Variants in C21orf58 observed in about 807,000 individuals in gnomAD.
The protein encoded by C21orf58 is chromosome 21 open reading frame 58.
In C21orf58, 34 loss-of-function variants were observed where a neutral mutation model predicts 35.8. That is an observed-to-expected ratio of 0.95 (90% CI 0.72 to 1.26). The LOEUF (loss-of-function observed/expected upper bound fraction) is 1.26, where lower values mean the gene tolerates loss of function less well. C21orf58 is among the 50% of genes most tolerant of loss of function. The pLI is 0.00. For missense variants in C21orf58, 440 were observed against 414.3 expected (o/e 1.06, Z -0.54); for synonymous variants, 191 against 175.8 (o/e 1.09, Z -0.68).
intron 6 of C21orf58, among the ~76,000 whole-genome samples, chr21:46,303,375 A>G (rs2082213618): frequency 6.6e-6 from 1 of 151,898 alleles, no homozygotes; most frequent in Non-Finnish European, 1.5e-5. Context: ...GTTCATCTAC[A>G]GACACCATGA....
rs72562362 is a variant in C21orf58, at chr21:46,301,476, G to GT, written c.*522_*523insA. On this transcript the variant is annotated 3_prime_UTR_variant, in exon 8 of 8. Coordinates refer to ENST00000291691, the MANE Select transcript of C21orf58 (RefSeq NM_058180.5). ...TAGTGGGAGTCTGTGCCACAGCTGT[G>GT]GACACAGGTGTCCCTAGTTATTAAA... 6 of 832,404 alleles carry GT rather than the reference G, an allele frequency of 7.2e-6. No homozygotes were observed. In the South Asian group the frequency reaches 3.7e-4, roughly 51 times the overall value. 51.6% of individuals were successfully genotyped at this position (832,404 alleles called of 1,614,324 possible).
At chr21:46,303,295 T>C (rs1369016610) in intron 6 of C21orf58, among the ~76,000 whole-genome samples, 1 of 152,076 alleles carries the variant, frequency 6.6e-6, no homozygotes, top group Non-Finnish European at 1.5e-5. Context: ...GCCATGATCA[T>C]GCCCCTGCAC....
In C21orf58 at chr21:46,318,901, T is replaced by C. The variant is rs142587886; in HGVS notation, c.101-681A>G. 7 of 974,310 alleles carry C rather than the reference T, an allele frequency of 7.2e-6. No homozygotes were observed. In the East Asian group the frequency reaches 3.4e-4, roughly 48 times the overall value. 60.4% of individuals were successfully genotyped at this position (974,310 alleles called of 1,614,324 possible). A position where few individuals can be genotyped will look rare whatever the true frequency, so the allele number is the denominator to read the frequency against. On this transcript the variant is annotated intron_variant, in intron 1 of 7. Coordinates refer to ENST00000291691, the MANE Select transcript of C21orf58 (RefSeq NM_058180.5). ...GGCATTAAACTCCACGTTGATGAGTTAGTCAATCCCACTAGCAGGCAGACT... is the reference window on the plus strand; with the variant it reads ...GGCATTAAACTCCACGTTGATGAGTCAGTCAATCCCACTAGCAGGCAGACT...
intron 6 of C21orf58, among the ~76,000 whole-genome samples, chr21:46,308,462 A>G (rs1026956806): frequency 6.6e-5 from 10 of 151,924 alleles, no homozygotes; most frequent in Non-Finnish European, 1.3e-4. Flanking sequence ...CTCCATCTCA[A>G]AAAAAAAGAG....
intron 6 of C21orf58, among the ~76,000 whole-genome samples, chr21:46,307,933 C>T (rs927296235): frequency 1.3e-5 from 2 of 152,178 alleles, no homozygotes. Flanking sequence ...ATAACTAGAA[C>T]TCACAAACAT....
chr21:46,318,744 T>TGG, intron 1 of C21orf58: 1 of 997,324 alleles, frequency 1.0e-6, no homozygotes, highest in Non-Finnish European at 1.2e-6. Flanking sequence ...GGGGCTGGGC[T>TGG]TTAGCAGGAC....
chr21:46,315,676 C>T (rs911454257), intron 3 of C21orf58, 129 bp from the exon 4 acceptor site: 1 of 681,502 alleles, frequency 1.5e-6, no homozygotes, highest in African/African-American at 1.8e-5. Flanking sequence ...TGGGGGAGGC[C>T]TGGGAGGATC....
intron 6 of C21orf58, among the ~76,000 whole-genome samples, chr21:46,304,590 C>T (rs950877765): frequency 6.6e-6 from 1 of 152,102 alleles, no homozygotes; most frequent in African/African-American, 2.4e-5. Flanking sequence ...ATGCCCACCA[C>T]GCTGGCAAAA....
intron 3 of C21orf58, among the ~76,000 whole-genome samples, chr21:46,316,973 A>G (rs1397465733): frequency 6.6e-6 from 1 of 152,244 alleles, no homozygotes; most frequent in Non-Finnish European, 1.5e-5. Flanking sequence ...CTCATCTGCA[A>G]AATGGGAACA....
chr21:46,310,304 CCT>C (rs1478582286), intron 6 of C21orf58, among the ~76,000 whole-genome samples: 2 of 151,748 alleles, frequency 1.3e-5, no homozygotes, highest in South Asian at 2.1e-4. Flanking sequence ...TAGTGAAACC[CCT>C]GTCTCTACCA....
downstream of C21orf58, chr21:46,300,897 A>C: frequency 1.0e-6 from 1 of 961,328 alleles, no homozygotes; most frequent in East Asian, 6.2e-5. Flanking sequence ...AAAGTAACAA[A>C]AAGTAAAGAA....
At position 46,311,444 on chromosome 21, in the gene C21orf58, T is replaced by C. The variant is rs2082680451; in HGVS notation, c.721+12A>G. The C allele has an allele frequency of 6.7e-7, 1 of 1,490,406 alleles. No homozygotes were observed. The highest frequency in any genetic ancestry group is 1.4e-5 in the African/African-American group (1 of 72,868). 92.3% of individuals were successfully genotyped at this position (1,490,406 alleles called of 1,614,324 possible). On this transcript the variant is annotated intron_variant, in intron 6 of 7. Coordinates refer to ENST00000291691, the MANE Select transcript of C21orf58 (RefSeq NM_058180.5). ...TCCTCAACCCACAACAATATGAATATGGAACACTTACCTTCCTTAATACTT... is the reference window on the plus strand; with the variant it reads ...TCCTCAACCCACAACAATATGAATACGGAACACTTACCTTCCTTAATACTT...
At chr21:46,319,779 C>T (rs1037557009) in intron 1 of C21orf58, among the ~76,000 whole-genome samples, 10 of 151,990 alleles carry the variant, frequency 6.6e-5, no homozygotes, top group African/African-American at 1.2e-4. Context: ...CGCCTGTAAT[C>T]CCAGCTACTC....
At chr21:46,305,079 G>C (rs1403765074) in intron 6 of C21orf58, among the ~76,000 whole-genome samples, 3 of 152,178 alleles carry the variant, frequency 2.0e-5, no homozygotes, top group Non-Finnish European at 4.4e-5. Flanking sequence ...CACAAAGACA[G>C]ATACTGTACG....
At chr21:46,302,765 C>A (rs2082174349) in intron 6 of C21orf58, among the ~76,000 whole-genome samples, 189 bp from the exon 7 acceptor site, 5 of 116,146 alleles carry the variant, frequency 4.3e-5, no homozygotes, top group African/African-American at 1.3e-4. Flanking sequence ...GCACACGGTG[C>A]GGGTCCCCGG....
chr21:46,318,253 G>C, intron 1 of C21orf58, 33 bp from the exon 2 acceptor site: 1 of 1,609,246 alleles, frequency 6.2e-7, no homozygotes, highest in Non-Finnish European at 8.5e-7. Context: ...TGGGAAGATA[G>C]CCACACCCTC....
chr21:46,309,814 G>A (rs1231822049), intron 6 of C21orf58, among the ~76,000 whole-genome samples: 4 of 152,000 alleles, frequency 2.6e-5, no homozygotes, highest in African/African-American at 9.7e-5. Context: ...GGCCAAGATG[G>A]TGAAACCCCG....
At chr21:46,310,015 A>C (rs550320556) in intron 6 of C21orf58, among the ~76,000 whole-genome samples, 200 of 152,222 alleles carry the variant, frequency 1.3e-3, no homozygotes, top group African/African-American at 4.6e-3. Context: ...ATAAAATAAA[A>C]TAAAATAATC....
chr21:46,319,899 GAAAAAAAAT>G (rs887260632), intron 1 of C21orf58, among the ~76,000 whole-genome samples: 20 of 149,606 alleles, frequency 1.3e-4, no homozygotes, highest in East Asian at 7.8e-4. Context: ...CCTCCGTCTG[GAAAAAAAAT>G]AAAAAAAATA....
Sources: allele counts gnomAD v4.1 joint callset (sites outside exome capture counted in the v4.1 genomes callset), GRCh38; gene constraint gnomAD v4.1.1; transcripts MANE v1.5; gene names NCBI Gene and HGNC (gene_info 2026-07-23, HGNC 2026-07-21).